ERBB4: variants seen among roughly 807,000 people sequenced by gnomAD.
The protein encoded by ERBB4 is erb-b2 receptor tyrosine kinase 4.
A neutral mutation model predicts 158.0 loss-of-function variants in ERBB4; 42 were observed. The ratio of observed to expected loss-of-function variants is 0.27; its 90% CI spans 0.21 to 0.34. The LOEUF (loss-of-function observed/expected upper bound fraction) is 0.34. Among genes scored for constraint, ERBB4 ranks in the 10% least tolerant of loss-of-function variants. ERBB4 has a pLI of 1.00. For synonymous variants in ERBB4, 583 were observed against 558.7 expected (o/e 1.04, Z -0.61); for missense variants, 1,333 against 1,624.1 (o/e 0.82, Z 3.08).
intron 19 of ERBB4, among the ~76,000 whole-genome samples, chr2:211,587,394 C>A (rs1316340728): frequency 6.6e-6 from 1 of 152,026 alleles, no homozygotes; most frequent in Non-Finnish European, 1.5e-5. Flanking sequence ...TAGAGCATAC[C>A]TCTATTCCAA....
chr2:211,407,087 T>A (rs770631755), intron 25 of ERBB4, among the ~76,000 whole-genome samples: 1 of 151,766 alleles, frequency 6.6e-6, no homozygotes, highest in South Asian at 2.1e-4. Context: ...CTCAAAAAAA[T>A]AAAAATAAAT....
At position 211,580,828 on chromosome 2, in the gene ERBB4, AT is replaced by A. The variant is rs1272002308; in HGVS notation, c.2302-18741del. 7.7e-4 allele frequency among the ~76,000 whole-genome samples: 28 copies of A among 36,530 alleles called. 7 individuals are homozygous for A. Among genetic ancestry groups the A allele is most frequent in the African/African-American group, 1.3e-3 (28 of 22,386 alleles). 24.0% of individuals were successfully genotyped at this position (36,530 alleles called of 152,430 possible). A position where few individuals can be genotyped will look rare whatever the true frequency, so the allele number is the denominator to read the frequency against. ...TATATATATAATATATATATATTAT[AT>A]ATATAGATTATATATTATATATATA... On this transcript the variant is annotated intron_variant, in intron 19 of 27. Transcript: ENST00000342788.
intron 3 of ERBB4, among the ~76,000 whole-genome samples, chr2:211,944,177 C>CCA (rs2080595699): frequency 2.6e-5 from 1 of 38,584 alleles, no homozygotes; most frequent in African/African-American, 1.2e-4. Flanking sequence ...TATATATATA[C>CCA]TATATATATA....
intron 1 of ERBB4, among the ~76,000 whole-genome samples, chr2:212,170,998 C>G (rs577941812): frequency 6.6e-6 from 1 of 152,034 alleles, no homozygotes; most frequent in Non-Finnish European, 1.5e-5. Context: ...ATAGATCCAC[C>G]AACAGCTTGC....
At chr2:211,928,940 G>C (rs1379436396) in intron 3 of ERBB4, among the ~76,000 whole-genome samples, 2 of 152,186 alleles carry the variant, frequency 1.3e-5, no homozygotes, top group Admixed American at 1.3e-4. Flanking sequence ...GAGATGTTAA[G>C]AGTTCAAGGG....
chr2:211,597,895 T>C (rs898239520), intron 19 of ERBB4, among the ~76,000 whole-genome samples: 44 of 152,180 alleles, frequency 2.9e-4, no homozygotes, highest in African/African-American at 1.0e-3. Flanking sequence ...AGAAAGATTA[T>C]ATCTTTGTAT....
At chr2:212,115,028 CT>C (rs1454350023) in intron 2 of ERBB4, among the ~76,000 whole-genome samples, 2 of 152,086 alleles carry the variant, frequency 1.3e-5, no homozygotes, top group Middle Eastern at 3.2e-3. Context: ...AGAGGATTTA[CT>C]TTAACATTCA....
rs923246487 is a variant in ERBB4 at position 212,050,867 on chromosome 2, T to C, written c.234+73885A>G. Among the ~76,000 whole-genome samples, 13 of 152,294 alleles carry C rather than the reference T, an allele frequency of 8.5e-5. No individual in the cohort carries two copies. The East Asian group carries it at 2.5e-3, about 29-fold the overall frequency. ...TCTTAAATAATGCAGGCAAAAATAATCACTACTACCAATACCAATCCACCT... is the reference window on the plus strand; with the variant it reads ...TCTTAAATAATGCAGGCAAAAATAACCACTACTACCAATACCAATCCACCT... On this transcript the variant is annotated intron_variant, in intron 2 of 27. Coordinates refer to ENST00000342788, the MANE Select transcript of ERBB4 (RefSeq NM_005235.3).
chr2:211,673,823 A>G (rs1419987008), intron 13 of ERBB4, among the ~76,000 whole-genome samples: 1 of 151,452 alleles, frequency 6.6e-6, no homozygotes, highest in Non-Finnish European at 1.5e-5. Flanking sequence ...ACATCTTTTT[A>G]TGGTAGATTT....
At chr2:211,548,548 T>C (rs887634937) in intron 20 of ERBB4, among the ~76,000 whole-genome samples, 1 of 152,058 alleles carries the variant, frequency 6.6e-6, no homozygotes, top group African/African-American at 2.4e-5. Flanking sequence ...AAACAAAGCG[T>C]CCACAAGTGT....
intron 1 of ERBB4, among the ~76,000 whole-genome samples, chr2:212,239,413 T>C (rs778359726): frequency 2.0e-5 from 3 of 152,220 alleles, no homozygotes; most frequent in Non-Finnish European, 4.4e-5. Flanking sequence ...GTTGTGTGAA[T>C]GTTACATGGT....
intron 3 of ERBB4, among the ~76,000 whole-genome samples, chr2:211,815,288 T>C (rs1054680103): frequency 3.3e-5 from 5 of 152,212 alleles, no homozygotes; most frequent in Non-Finnish European, 5.9e-5. Context: ...TAAAGTGTTA[T>C]AGTTATTCAA....
At chr2:212,064,881 T>C (rs2077891343) in intron 2 of ERBB4, among the ~76,000 whole-genome samples, 1 of 152,062 alleles carries the variant, frequency 6.6e-6, no homozygotes, top group Admixed American at 6.6e-5. Flanking sequence ...ATTTCTGATT[T>C]TGTAATTGTT....
intron 9 of ERBB4, among the ~76,000 whole-genome samples, chr2:211,706,507 A>G (rs1428279716): frequency 1.3e-5 from 2 of 151,634 alleles, no homozygotes; most frequent in Admixed American, 6.6e-5. Context: ...AGTTCCAGCA[A>G]CCTTGATCTC....
intron 20 of ERBB4, among the ~76,000 whole-genome samples, chr2:211,494,912 T>A (rs1242029844): frequency 6.6e-6 from 1 of 152,134 alleles, no homozygotes; most frequent in East Asian, 1.9e-4. Context: ...AAATTTATGG[T>A]AATCTTCAAA....
At chr2:212,054,956 G>A (rs1457508673) in intron 2 of ERBB4, among the ~76,000 whole-genome samples, 6 of 152,122 alleles carry the variant, frequency 3.9e-5, no homozygotes, top group African/African-American at 1.4e-4. Context: ...AGTGGGGGCA[G>A]GACAGTGGGT....
intron 1 of ERBB4, among the ~76,000 whole-genome samples, chr2:212,436,722 A>T (rs903523677): frequency 2.0e-5 from 3 of 152,126 alleles, no homozygotes; most frequent in African/African-American, 4.8e-5. Context: ...AATAAAACTC[A>T]AACTATATTT....
chr2:211,448,018 G>C (rs2064154814), intron 20 of ERBB4, among the ~76,000 whole-genome samples: 1 of 152,020 alleles, frequency 6.6e-6, no homozygotes, highest in South Asian at 2.1e-4. Flanking sequence ...TGTCACCCAG[G>C]ATGGAGTGCA....
intron 1 of ERBB4, among the ~76,000 whole-genome samples, chr2:212,289,271 A>G (rs540246148): frequency 6.6e-6 from 1 of 152,290 alleles, no homozygotes; most frequent in South Asian, 2.1e-4. Context: ...TACTCATACA[A>G]TAGTCTGGTA....
Sources: allele counts gnomAD v4.1 joint callset (sites outside exome capture counted in the v4.1 genomes callset), GRCh38; gene constraint gnomAD v4.1.1; transcripts MANE v1.5; gene names NCBI Gene and HGNC (gene_info 2026-07-23, HGNC 2026-07-21).